FAM184A: variants seen among roughly 807,000 people sequenced by gnomAD.
The protein encoded by FAM184A is family with sequence similarity 184 member A.
FAM184A carries 99 observed loss-of-function variants against 143.8 expected under a neutral mutation model. The ratio of observed to expected loss-of-function variants is 0.69; its 90% confidence interval spans 0.58 to 0.81. The LOEUF is 0.81. Ranked by LOEUF, FAM184A falls within the 40% of genes least tolerant of loss-of-function variation. FAM184A has a pLI of 0.00. For missense variants in FAM184A, 1,217 were observed against 1,310.5 expected, an observed-to-expected ratio of 0.93 and a Z score of 1.10; for synonymous variants, 427 against 446.4, an observed-to-expected ratio of 0.96 and a Z score of 0.55.
At chr6:119,001,103 G>A (rs931848179) in intron 9 of FAM184A, among the ~76,000 whole-genome samples, 9 of 148,152 alleles carry the variant, frequency 6.1e-5, no homozygotes, top group Non-Finnish European at 3.0e-5. Context: ...AAGAACCACT[G>A]GTCCTACTAT....
intron 9 of FAM184A, among the ~76,000 whole-genome samples, chr6:118,983,977 T>G (rs1161151209): frequency 6.6e-6 from 1 of 150,708 alleles, no homozygotes; most frequent in Non-Finnish European, 1.5e-5. Context: ...GATGAAACCC[T>G]GTCTCTACTA....
intron 1 of FAM184A, among the ~76,000 whole-genome samples, chr6:119,132,891 G>A (rs540863309): frequency 6.6e-6 from 1 of 152,322 alleles, no homozygotes; most frequent in South Asian, 2.1e-4. Flanking sequence ...CTGGGATGCA[G>A]ATGTTCACAT....
chr6:119,121,777 TA>T (rs1186442426), intron 1 of FAM184A, among the ~76,000 whole-genome samples: 1 of 152,190 alleles, frequency 6.6e-6, no homozygotes, highest in Non-Finnish European at 1.5e-5. Context: ...AGTGATTTCT[TA>T]AAAAGGCATG....
At chr6:119,105,052 C>T (rs1788745275) in intron 1 of FAM184A, among the ~76,000 whole-genome samples, 1 of 152,012 alleles carries the variant, frequency 6.6e-6, no homozygotes, top group Non-Finnish European at 1.5e-5. Context: ...CCAAGGAGAG[C>T]CTAAGAGATA....
intron 1 of FAM184A, among the ~76,000 whole-genome samples, chr6:119,046,069 T>A (rs910224458): frequency 6.6e-6 from 1 of 152,024 alleles, no homozygotes; most frequent in Non-Finnish European, 1.5e-5. Context: ...CTTTATCTTA[T>A]TACAACTGTT....
intron 1 of FAM184A, among the ~76,000 whole-genome samples, chr6:119,065,551 A>C (rs1787418648): frequency 6.6e-6 from 1 of 152,202 alleles, no homozygotes. Context: ...TATCTCAGTC[A>C]ACGTTAATAG....
At position 119,096,553 on chromosome 6, in the gene FAM184A, G is replaced by A. The variant is rs1270996712; in HGVS notation, c.-202+52525C>T. 4.5e-5 allele frequency among the ~76,000 whole-genome samples: 3 copies of A among 66,556 alleles called. 1 individual carries two copies. The highest frequency in any genetic ancestry group is 5.8e-5 in the Non-Finnish European group (2 of 34,298). The allele number at this position is 66,556 out of a possible 152,430, so 43.7% of individuals were successfully genotyped here. On this transcript the variant is annotated intron_variant, in intron 1 of 16. Coordinates refer to the FAM184A transcript ENST00000352896. ...CGGGAGGCTGAGGCAGGAGAATGGC[G>A]TGAACCCGGGAGGCGGAGCTTGCAG...
chr6:119,137,719 T>C (rs1347057084), intron 1 of FAM184A, among the ~76,000 whole-genome samples: 3 of 152,212 alleles, frequency 2.0e-5, no homozygotes, highest in Admixed American at 1.3e-4. Context: ...TGTCAGGTTC[T>C]ATGGGGTTTA....
chr6:119,035,178 T>G (rs1038805274), intron 1 of FAM184A, among the ~76,000 whole-genome samples: 1 of 152,148 alleles, frequency 6.6e-6, no homozygotes, highest in Non-Finnish European at 1.5e-5. Flanking sequence ...TAACCCACTG[T>G]AAACCAAAAA....
At chr6:119,108,913 A>G (rs1582623471) in intron 1 of FAM184A, among the ~76,000 whole-genome samples, 1 of 152,190 alleles carries the variant, frequency 6.6e-6, no homozygotes, top group African/African-American at 2.4e-5. Flanking sequence ...GAGGGCATCT[A>G]TGAGTTGACT....
At chr6:119,120,874 G>A (rs539119125) in intron 1 of FAM184A, among the ~76,000 whole-genome samples, 21 of 140,018 alleles carry the variant, frequency 1.5e-4, no homozygotes, top group Non-Finnish European at 2.9e-4. Flanking sequence ...AGGAGACAGG[G>A]TCTTGTTCTG....
chr6:118,985,956 C>T (rs1468529858), intron 9 of FAM184A, among the ~76,000 whole-genome samples: 1 of 152,044 alleles, frequency 6.6e-6, no homozygotes, highest in East Asian at 1.9e-4. Flanking sequence ...ATTTATTTTT[C>T]TTCTTTAATC....
chr6:119,009,936 A>T (rs1487655544), intron 6 of FAM184A, among the ~76,000 whole-genome samples: 1 of 152,176 alleles, frequency 6.6e-6, no homozygotes, highest in Non-Finnish European at 1.5e-5. Flanking sequence ...TCTCTTTAAC[A>T]TCTCAGAATG....
At chr6:119,123,908 G>T (rs1207317974) in intron 1 of FAM184A, among the ~76,000 whole-genome samples, 1 of 152,146 alleles carries the variant, frequency 6.6e-6, no homozygotes, top group Non-Finnish European at 1.5e-5. Context: ...TGCTGATTGT[G>T]CCATTACATT....
intron 1 of FAM184A, among the ~76,000 whole-genome samples, chr6:119,102,304 C>G (rs1000139530): frequency 6.6e-6 from 1 of 152,058 alleles, no homozygotes; most frequent in African/African-American, 2.4e-5. Context: ...TAGTGGAATT[C>G]TTAATTCCCC....
At chr6:119,102,574 G>A (rs1200256731) in intron 1 of FAM184A, among the ~76,000 whole-genome samples, 1 of 151,864 alleles carries the variant, frequency 6.6e-6, no homozygotes. Flanking sequence ...GATCACCTGA[G>A]GTCAGGAGTT....
At chr6:119,100,240 A>G (rs1788605072) in intron 1 of FAM184A, among the ~76,000 whole-genome samples, 1 of 152,152 alleles carries the variant, frequency 6.6e-6, no homozygotes, top group Admixed American at 6.5e-5. Context: ...TGGTACAGGA[A>G]ATGGAAGGAG....
intron 1 of FAM184A, among the ~76,000 whole-genome samples, chr6:119,073,244 C>T (rs1787756781): frequency 6.6e-6 from 1 of 152,170 alleles, no homozygotes; most frequent in African/African-American, 2.4e-5. Context: ...AATAAGAGGA[C>T]TTGATGCTAA....
chr6:119,102,152 G>A (rs1418069774), intron 1 of FAM184A, among the ~76,000 whole-genome samples: 1 of 152,168 alleles, frequency 6.6e-6, no homozygotes, highest in African/African-American at 2.4e-5. Flanking sequence ...TGGAAAAGGA[G>A]TAGTTAGGGC....
Sources: allele counts gnomAD v4.1 joint callset (sites outside exome capture counted in the v4.1 genomes callset), GRCh38; gene constraint gnomAD v4.1.1; transcripts MANE v1.5; gene names NCBI Gene and HGNC (gene_info 2026-07-23, HGNC 2026-07-21).